EHMT1: variants seen among roughly 807,000 people sequenced by gnomAD.
EHMT1 encodes the protein euchromatic histone lysine methyltransferase 1.
EHMT1 carries 15 observed loss-of-function variants against 147.2 expected under a neutral mutation model. The ratio of observed to expected loss-of-function variants is 0.10; its 90% confidence interval spans 0.07 to 0.16. The LOEUF (loss-of-function observed/expected upper bound fraction) is 0.16. Ranked by LOEUF, EHMT1 falls within the 10% of genes least tolerant of loss-of-function variation. The probability of loss-of-function intolerance (pLI) is 1.00; values close to 1 mark genes in which losing one functional copy is unlikely to be tolerated. For missense variants in EHMT1, 1,587 were observed against 1,772.4 expected, an observed-to-expected ratio of 0.90 and a Z score of 1.88; for synonymous variants, 795 against 709.6, an observed-to-expected ratio of 1.12 and a Z score of -1.91.
Position 137,835,104 on chromosome 9 carries a change from C to T in EHMT1, c.*151C>T. ...GGGGTCGGAGGTGAGGCTGCAGCCC[C>T]TGCGGGCGGGTGTGGATGCCTCCCA... On this transcript the variant is annotated 3_prime_UTR_variant, in exon 27 of 27. Transcript: ENST00000460843. 2.1e-6 allele frequency: 2 copies of T among 971,256 alleles called. No homozygotes were observed. Among genetic ancestry groups the T allele is most frequent in the Non-Finnish European group, 2.8e-6 (2 of 726,584 alleles). 60.2% of individuals were successfully genotyped at this position (971,256 alleles called of 1,614,324 possible). A position where few individuals can be genotyped will look rare whatever the true frequency, so the allele number is the denominator to read the frequency against.
At chr9:137,684,586 G>A (rs981086870) in intron 1 of EHMT1, among the ~76,000 whole-genome samples, 2 of 152,114 alleles carry the variant, frequency 1.3e-5, no homozygotes, top group Non-Finnish European at 2.9e-5. Flanking sequence ...CCACCTCCCA[G>A]GCTCAAGCAA....
chr9:137,678,146 T>C (rs948220522), intron 1 of EHMT1, among the ~76,000 whole-genome samples: 13 of 152,192 alleles, frequency 8.5e-5, no homozygotes, highest in African/African-American at 3.1e-4. Context: ...AACTAGTATA[T>C]AATCCACTAA....
At chr9:137,740,076 C>T (rs1272730564) in intron 4 of EHMT1, among the ~76,000 whole-genome samples, 2 of 152,184 alleles carry the variant, frequency 1.3e-5, no homozygotes, top group East Asian at 1.9e-4. Context: ...AACCTCCCAT[C>T]CACCTTGTCT....
At chr9:137,645,033 C>A (rs748485962) in intron 1 of EHMT1, among the ~76,000 whole-genome samples, 117 of 152,186 alleles carry the variant, frequency 7.7e-4, no homozygotes, top group Non-Finnish European at 1.6e-3. Context: ...TCACCACGCC[C>A]GGCTAATTTT....
rs190274388 is a variant in EHMT1 at position 137,824,931 on chromosome 9, G to A, written c.3540+6793G>A. Among the ~76,000 whole-genome samples the A allele has an allele frequency of 4.6e-3, 695 of 152,202 alleles. 6 individuals are homozygous for A. The highest frequency in any genetic ancestry group is 0.016 in the African/African-American group (668 of 41,508). ...GAGTAAAGACAGTTTTTCTTCTCGC[G>A]TTCTGAGCCGTGCAGCTTTGTTTTC... On this transcript the variant is annotated intron_variant, in intron 25 of 26. Transcript: ENST00000460843.
chr9:137,815,781 C>G, intron 22 of EHMT1, 166 bp from the exon 23 acceptor site: 1 of 687,136 alleles, frequency 1.5e-6, no homozygotes, highest in Non-Finnish European at 2.6e-6. Context: ...CTCATCCAAA[C>G]CGTACACATG....
intron 6 of EHMT1, among the ~76,000 whole-genome samples, chr9:137,749,653 T>G (rs1349044108): frequency 1.3e-5 from 2 of 152,108 alleles, no homozygotes; most frequent in Non-Finnish European, 2.9e-5. Flanking sequence ...TCTCCTTGGG[T>G]TTTCAGCTTC....
intron 16 of EHMT1, among the ~76,000 whole-genome samples, chr9:137,796,495 G>A (rs1415122039): frequency 6.6e-6 from 1 of 152,016 alleles, no homozygotes; most frequent in Non-Finnish European, 1.5e-5. Context: ...ATGAGGTCAG[G>A]AGATCGAGGC....
chr9:137,677,307 A>G (rs1941455946), intron 1 of EHMT1, among the ~76,000 whole-genome samples: 2 of 151,600 alleles, frequency 1.3e-5, no homozygotes, highest in Non-Finnish European at 2.9e-5. Context: ...TAACTTTTGT[A>G]TTTTCTTGTA....
At chr9:137,652,136 C>T (rs112055912) in intron 1 of EHMT1, among the ~76,000 whole-genome samples, 11 of 152,180 alleles carry the variant, frequency 7.2e-5, no homozygotes, top group South Asian at 2.1e-4. Flanking sequence ...TAGGAGATGA[C>T]GGCTCCATGC....
chr9:137,802,849 C>T lies in EHMT1; in HGVS notation c.2712+1865C>T, dbSNP rs12339324. 14 of 1,231,836 alleles carry T rather than the reference C, an allele frequency of 1.1e-5. No homozygotes were observed. In the East Asian group the frequency reaches 2.2e-4, roughly 19 times the overall value. The allele number at this position is 1,231,836 out of a possible 1,614,324, so 76.3% of individuals were successfully genotyped here. A position where few individuals can be genotyped will look rare whatever the true frequency, so the allele number is the denominator to read the frequency against. On this transcript the variant is annotated intron_variant, in intron 18 of 26. Coordinates refer to ENST00000460843, the MANE Select transcript of EHMT1 (RefSeq NM_024757.5). ...ATTCCACCGGAGTTCTTTCCCACTG[C>T]GGGTTAGGATGACGGCACCATGAAG...
intron 1 of EHMT1, among the ~76,000 whole-genome samples, chr9:137,703,421 A>G (rs934619402): frequency 2.6e-5 from 4 of 152,104 alleles, no homozygotes; most frequent in African/African-American, 9.7e-5. Context: ...CCAGTTTCAG[A>G]TACTCTCTTC....
intron 25 of EHMT1, among the ~76,000 whole-genome samples, chr9:137,824,275 T>C (rs1307729185): frequency 6.6e-6 from 1 of 152,158 alleles, no homozygotes; most frequent in Non-Finnish European, 1.5e-5. Flanking sequence ...TGAGGTTCAC[T>C]TGTGTCCATG....
rs972834399 is a variant in EHMT1, at chr9:137,776,026, G to T, written c.1792-592G>T. Among the ~76,000 whole-genome samples, 2 of 152,116 alleles carry T rather than the reference G, an allele frequency of 1.3e-5. No homozygotes were observed. The highest frequency in any genetic ancestry group is 4.8e-5 in the African/African-American group (2 of 41,418). On this transcript the variant is annotated intron_variant, in intron 11 of 26. Transcript: ENST00000460843. The surrounding 1 kb of genome is among the most constrained non-coding windows in gnomAD (Gnocchi z 4.4). ...TGCCCTGCTGCCCCTTTACGAACAT[G>T]GGCCAAGAGCTTCCACTTTTGGGAG...
rs867279072 is a variant in EHMT1, at chr9:137,769,135, A to G, written c.1648-5974A>G. Among the ~76,000 whole-genome samples, 9 of 152,226 alleles carry G rather than the reference A, an allele frequency of 5.9e-5. No individual in the cohort carries two copies. In the South Asian group the frequency reaches 6.2e-4, roughly 11 times the overall value. On this transcript the variant is annotated intron_variant, in intron 10 of 26. Coordinates refer to ENST00000460843, the MANE Select transcript of EHMT1 (RefSeq NM_024757.5). ...AATTTATCACAGTCTACCTCCAACA[A>G]ATCATTATACCACATAACATACAGT...
intron 23 of EHMT1, 52 bp downstream of exon 23, chr9:137,816,114 A>G (rs1041072902): frequency 6.0e-6 from 9 of 1,512,146 alleles, no homozygotes; most frequent in South Asian, 3.6e-5. Context: ...ATTAGCACGT[A>G]TTAGCACGGA....
intron 18 of EHMT1, among the ~76,000 whole-genome samples, chr9:137,808,975 A>G (rs1351521609): frequency 2.0e-5 from 3 of 152,194 alleles, no homozygotes; most frequent in Non-Finnish European, 4.4e-5. Flanking sequence ...AATCATTCTG[A>G]TAAAGGAAAA....
chr9:137,671,898 C>G (rs999038225), intron 1 of EHMT1, among the ~76,000 whole-genome samples: 3 of 152,162 alleles, frequency 2.0e-5, no homozygotes, highest in Non-Finnish European at 1.5e-5. Flanking sequence ...CAGGCCTTGC[C>G]CCGACATGTG....
At position 137,717,181 on chromosome 9, in the gene EHMT1, T is replaced by G. The variant is rs1408474307; in HGVS notation, c.641T>G (p.Leu214Arg). The G allele has an allele frequency of 6.2e-7, 1 of 1,611,536 alleles. No homozygotes were observed. Among genetic ancestry groups the G allele is most frequent in the African/African-American group, 1.3e-5 (1 of 74,916 alleles). The change falls in exon 3 of 27, where the codon CTG becomes CGG. Residue 214 changes from leucine to arginine, a missense_variant and splice_region_variant. Transcript: ENST00000460843. The stretch of plus-strand genomic sequence containing the variant: ...ACCATGCCGAAGTCCGTCGTGGGCC[T>G]GGTAATTTTGTGTCTTCTCTTGCTG... Reference protein sequence around the residue: ...RKTMPKSVVGLHAASKDPREV... With the variant: ...RKTMPKSVVGRHAASKDPREV...
Sources: gnomAD v4.1 joint callset for allele counts (sites outside exome capture counted in the v4.1 genomes callset) on GRCh38, gnomAD v4.1.1 for gene constraint, Gnocchi (gnomAD v3.1) non-coding constraint, MANE v1.5 for transcripts, NCBI Gene and HGNC (gene_info 2026-07-23, HGNC 2026-07-21) for gene names.